NT5C2: variants seen among roughly 807,000 people sequenced by gnomAD.
The protein encoded by NT5C2 is cytosolic purine 5'-nucleotidase.
In NT5C2, 58 loss-of-function variants were observed where a neutral mutation model predicts 76.1. The observed-to-expected ratio is 0.76, with a 90% CI of 0.62 to 0.95. The LOEUF is 0.95. Ranked by LOEUF, NT5C2 falls within the 40% of genes least tolerant of loss-of-function variation. NT5C2 has a pLI of 0.00. For missense variants in NT5C2, 478 were observed against 690.3 expected (o/e 0.69, Z 3.45); for synonymous variants, 229 against 237.4 (o/e 0.96, Z 0.32).
In NT5C2 at chr10:103,147,446, A is replaced by AT. The variant is rs569838731; in HGVS notation, c.102-7968dup. ...TTATCAAGACCCTGCATCTCAAGTG[A>AT]TTTTGTCAAGGAACTATCAATATTC... On this transcript the variant is annotated intron_variant, in intron 3 of 18. Coordinates refer to ENST00000404739, the MANE Select transcript of NT5C2 (RefSeq NM_001351169.2). Among the ~76,000 whole-genome samples the AT allele has an allele frequency of 2.0e-5, 3 of 152,292 alleles. No homozygotes were observed. The South Asian group carries it at 6.2e-4, about 32-fold the overall frequency.
intron 3 of NT5C2, among the ~76,000 whole-genome samples, chr10:103,162,679 A>G (rs1198359896): frequency 6.6e-6 from 1 of 152,204 alleles, no homozygotes; most frequent in Non-Finnish European, 1.5e-5. Flanking sequence ...CCTATGGCCC[A>G]GCAATTCCAT....
intron 3 of NT5C2, among the ~76,000 whole-genome samples, chr10:103,142,447 G>A (rs2080627007): frequency 6.6e-6 from 1 of 152,024 alleles, no homozygotes; most frequent in Non-Finnish European, 1.5e-5. Flanking sequence ...AAGGCAGGCA[G>A]ATCGCTTGAG....
chr10:103,104,210 C>T (rs1393749741), intron 6 of NT5C2, among the ~76,000 whole-genome samples: 1 of 152,230 alleles, frequency 6.6e-6, no homozygotes, highest in Admixed American at 6.5e-5. Flanking sequence ...TCTGCATTTA[C>T]TCATAAATGA....
intron 3 of NT5C2, among the ~76,000 whole-genome samples, chr10:103,171,253 T>C (rs1286129761): frequency 6.6e-6 from 1 of 152,244 alleles, no homozygotes; most frequent in Non-Finnish European, 1.5e-5. Flanking sequence ...ACTTCTGATA[T>C]ACTCAATAAC....
intron 3 of NT5C2, among the ~76,000 whole-genome samples, chr10:103,148,697 T>TC (rs1427580325): frequency 6.6e-6 from 1 of 152,170 alleles, no homozygotes; most frequent in African/African-American, 2.4e-5. Flanking sequence ...ACAAATGTGT[T>TC]ATCACTTATA....
intron 14 of NT5C2, 188 bp downstream of exon 14, chr10:103,093,784 T>C: frequency 1.8e-6 from 1 of 541,306 alleles, no homozygotes; most frequent in Non-Finnish European, 3.3e-6. Flanking sequence ...ATCAGATTCA[T>C]TAGGATATAC....
At chr10:103,153,291 C>CCTT in intron 3 of NT5C2, 1 of 1,279,596 alleles carries the variant, frequency 7.8e-7, no homozygotes, top group Non-Finnish European at 1.0e-6. Context: ...AATCACTTAC[C>CCTT]CTTCCTTAGA....
chr10:103,097,220 T>C (rs767733668), intron 11 of NT5C2, 71 bp downstream of exon 11: 8 of 1,147,510 alleles, frequency 7.0e-6, no homozygotes, highest in Non-Finnish European at 1.0e-5. Flanking sequence ...TCTATCTTCC[T>C]CATTGTCTTC....
Position 103,091,557 on chromosome 10 carries a change from AACTT to A in NT5C2, c.1211+3_1211+6del. 6.2e-7 allele frequency: 1 copy of A among 1,609,394 alleles called. No homozygotes were observed. The highest frequency in any genetic ancestry group is 2.2e-5 in the East Asian group (1 of 44,834). ...GTTTTTGGGAAAGAAATTTTTAGAA[AACTT>A]ACTTGTAGAGTTCAGCCAAGAAAAT... On this transcript the variant is annotated splice_donor_5th_base_variant and intron_variant, in intron 16 of 18. Coordinates refer to ENST00000404739, the MANE Select transcript of NT5C2 (RefSeq NM_001351169.2).
chr10:103,157,284 G>A (rs2083623913), intron 3 of NT5C2, among the ~76,000 whole-genome samples: 2 of 152,162 alleles, frequency 1.3e-5, no homozygotes, highest in African/African-American at 2.4e-5. Flanking sequence ...CAAAGTCTAA[G>A]CCTTTAGACT....
At position 103,089,477 on chromosome 10, in the gene NT5C2, G is replaced by T; in HGVS notation, c.*195C>A. 2.2e-6 allele frequency: 2 copies of T among 910,266 alleles called. No homozygotes were observed. The highest frequency in any genetic ancestry group is 3.7e-5 in the Admixed American group (1 of 27,016). The allele number at this position is 910,266 out of a possible 1,614,324, so 56.4% of individuals were successfully genotyped here. A position where few individuals can be genotyped will look rare whatever the true frequency, so the allele number is the denominator to read the frequency against. Reference sequence around the variant, plus strand: ...TAATACAGACTCCATTACAATTTTGGACCATCTGCAGAGAGTACAGATACA... The same window carrying T: ...TAATACAGACTCCATTACAATTTTGTACCATCTGCAGAGAGTACAGATACA... On this transcript the variant is annotated 3_prime_UTR_variant, in exon 19 of 19. Transcript: ENST00000404739.
chr10:103,126,545 C>G lies in NT5C2; in HGVS notation c.175+12861G>C, dbSNP rs182258264. 8.0e-4 allele frequency among the ~76,000 whole-genome samples: 122 copies of G among 152,314 alleles called. 2 individuals carry two copies. In the East Asian group the frequency reaches 0.014, roughly 18 times the overall value. On this transcript the variant is annotated intron_variant, in intron 4 of 18. Transcript: ENST00000404739. Reference sequence around the variant, plus strand: ...GCTGAGGCAGAAGAATCGCTTGAACCTGGAAGGCGGAGGTTGCAGTGAGCA... The same window carrying G: ...GCTGAGGCAGAAGAATCGCTTGAACGTGGAAGGCGGAGGTTGCAGTGAGCA...
chr10:103,168,265 T>C (rs147926128), intron 3 of NT5C2, among the ~76,000 whole-genome samples: 63 of 152,258 alleles, frequency 4.1e-4, no homozygotes, highest in Non-Finnish European at 8.2e-4. Flanking sequence ...CAGTTCAATA[T>C]GATAAAACCA....
At chr10:103,111,652 C>T (rs2073067188) in intron 4 of NT5C2, 2 of 835,294 alleles carry the variant, frequency 2.4e-6, no homozygotes, top group South Asian at 6.1e-5. Context: ...CCAAGACACA[C>T]TATGTAGTAA....
intron 3 of NT5C2, among the ~76,000 whole-genome samples, chr10:103,174,161 C>A (rs1401894196): frequency 4.6e-5 from 7 of 151,274 alleles, no homozygotes. Flanking sequence ...AATCCCAGCA[C>A]TTCGGGAGGC....
chr10:103,129,603 G>A (rs1404861828), intron 4 of NT5C2, among the ~76,000 whole-genome samples: 11 of 103,450 alleles, frequency 1.1e-4, no homozygotes, highest in East Asian at 6.2e-4. Flanking sequence ...CCGGCCAGCC[G>A]CCCCGTCCGG....
At chr10:103,158,414 A>C (rs1031801395) in intron 3 of NT5C2, among the ~76,000 whole-genome samples, 1 of 152,160 alleles carries the variant, frequency 6.6e-6, no homozygotes, top group African/African-American at 2.4e-5. Context: ...ATATATACAA[A>C]ATCTAAAGCA....
intron 4 of NT5C2, among the ~76,000 whole-genome samples, chr10:103,110,443 G>C (rs1027288006): frequency 6.6e-6 from 1 of 152,150 alleles, no homozygotes; most frequent in Non-Finnish European, 1.5e-5. Flanking sequence ...GCAACAGAGT[G>C]AGACTTCATC....
At chr10:103,098,127 A>G (rs963384116) in intron 10 of NT5C2, 2 of 509,992 alleles carry the variant, frequency 3.9e-6, no homozygotes, top group African/African-American at 2.0e-5. Flanking sequence ...TTGGGGCACT[A>G]TGTGTGTTTA....
Sources: allele counts gnomAD v4.1 joint callset (sites outside exome capture counted in the v4.1 genomes callset), GRCh38; gene constraint gnomAD v4.1.1; transcripts MANE v1.5; gene names NCBI Gene and HGNC (gene_info 2026-07-23, HGNC 2026-07-21).